FAT4: variants seen among roughly 807,000 people sequenced by gnomAD.
The protein encoded by FAT4 is protocadherin Fat 4.
A neutral mutation model predicts 303.9 loss-of-function variants in FAT4; 84 were observed. That is an observed-to-expected ratio of 0.28 (90% CI 0.23 to 0.33). The LOEUF is 0.33. FAT4 is among the 10% of genes least tolerant of loss of function. The pLI is 1.00. For synonymous variants in FAT4, 2,307 were observed against 2,298.8 expected (o/e 1.00, Z -0.10); for missense variants, 6,005 against 6,146.8 (o/e 0.98, Z 0.77).
chr4:125,441,053 C>T (rs1725645774), intron 8 of FAT4, among the ~76,000 whole-genome samples: 2 of 152,110 alleles, frequency 1.3e-5, no homozygotes, highest in Admixed American at 1.3e-4. Context: ...TAAGAATTAA[C>T]TCACTTCCAC....
intron 10 of FAT4, 145 bp from the exon 11 acceptor site, chr4:125,463,418 A>G (rs1316575007): frequency 5.8e-5 from 26 of 450,634 alleles, no homozygotes; most frequent in Non-Finnish European, 6.7e-5. Context: ...ATATTATTCT[A>G]ATTTCCTTAT....
chr4:125,435,502 T>C (rs919858179), intron 8 of FAT4, among the ~76,000 whole-genome samples: 1 of 152,220 alleles, frequency 6.6e-6, no homozygotes, highest in Admixed American at 6.6e-5. Flanking sequence ...TTTTGTTGTT[T>C]GTTACCAATT....
chr4:125,439,868 T>C (rs1287491126), intron 8 of FAT4, among the ~76,000 whole-genome samples: 11 of 152,138 alleles, frequency 7.2e-5, no homozygotes, highest in African/African-American at 2.7e-4. Flanking sequence ...CCTAGGAAAG[T>C]CATTTTAGTG....
At position 125,409,294 on chromosome 4, in the gene FAT4, T is replaced by C. The variant is rs191286122; in HGVS notation, c.5920+500T>C. ...TTTTTGAGACAGAGTTTCACTCTTG[T>C]TGCCCAGGCTGGAGTGCAATGATGC... On this transcript the variant is annotated intron_variant, in intron 5 of 17. Coordinates refer to ENST00000394329, the MANE Select transcript of FAT4 (RefSeq NM_001291303.3). Among the ~76,000 whole-genome samples the C allele has an allele frequency of 4.2e-3, 635 of 152,142 alleles. 3 individuals are homozygous for C. Among genetic ancestry groups the C allele is most frequent in the African/African-American group, 0.014 (591 of 41,516 alleles).
chr4:125,360,003 T>G (rs1732591859), intron 2 of FAT4, among the ~76,000 whole-genome samples: 1 of 152,140 alleles, frequency 6.6e-6, no homozygotes, highest in African/African-American at 2.4e-5. Context: ...GGATTTTCCC[T>G]CAGGATGAAA....
At chr4:125,380,236 A>G (rs919587343) in intron 2 of FAT4, among the ~76,000 whole-genome samples, 6 of 152,192 alleles carry the variant, frequency 3.9e-5, no homozygotes, top group African/African-American at 1.4e-4. Context: ...GTTACCTACT[A>G]AAAAGATATA....
intron 12 of FAT4, among the ~76,000 whole-genome samples, chr4:125,473,191 G>T (rs1578684915): frequency 6.6e-6 from 1 of 151,766 alleles, no homozygotes; most frequent in South Asian, 2.1e-4. Context: ...TGTGAATTAG[G>T]TGCTTAAACA....
intron 2 of FAT4, among the ~76,000 whole-genome samples, chr4:125,345,618 G>T (rs1560771050): frequency 1.3e-5 from 2 of 151,916 alleles, no homozygotes. Flanking sequence ...ACTCTGGCAT[G>T]TATTATTTAT....
Position 125,450,533 on chromosome 4 carries a change from G to C in FAT4, c.9523G>C (p.Ala3175Pro). 6.2e-7 allele frequency: 1 copy of C among 1,614,142 alleles called. No individual in the cohort carries two copies. The highest frequency in any genetic ancestry group is 8.5e-7 in the Non-Finnish European group (1 of 1,180,022). The stretch of plus-strand genomic sequence containing the variant: ...TAGTGCTATAGATGGAGGATGGGTT[G>C]CAAGAACTGGTTACTGCAGTGTGAC... ...TISAIDGGWVARTGYCSVTVN... is the reference protein window; with the variant it reads ...TISAIDGGWVPRTGYCSVTVN... The change falls in exon 10 of 18, where the codon GCA (alanine) becomes CCA (proline). Residue 3175 changes from alanine (A) to proline (P), a missense_variant. By Grantham distance (27) the Ala-to-Pro change is conservative. Coordinates refer to ENST00000394329, the MANE Select transcript of FAT4 (RefSeq NM_001291303.3).
rs1202356986 is a variant in FAT4, at chr4:125,492,332, A to G, written c.*564A>G. ...GTTTTACATGACAGTGGGTACTGAA[A>G]TTAAGTCATTTTGTTCAGCACTTTA... On this transcript the variant is annotated 3_prime_UTR_variant, in exon 18 of 18. Coordinates refer to ENST00000394329, the MANE Select transcript of FAT4 (RefSeq NM_001291303.3). 1 of 152,760 alleles carries G rather than the reference A, an allele frequency of 6.5e-6. No homozygotes were observed. Among genetic ancestry groups the G allele is most frequent in the African/African-American group, 2.4e-5 (1 of 41,450 alleles). 9.5% of individuals were successfully genotyped at this position (152,760 alleles called of 1,614,324 possible). A position where few individuals can be genotyped will look rare whatever the true frequency, so the allele number is the denominator to read the frequency against.
chr4:125,484,857 G>T lies in FAT4; in HGVS notation c.12823-2488G>T, dbSNP rs543207001. ...CTGCATTGAAGATTTTTGGGGGGAT[G>T]GGGGACAGCCTGGGCAACAGGGTCT... is the stretch of plus-strand genomic sequence containing the variant. On this transcript the variant is annotated intron_variant, in intron 16 of 17. Transcript: ENST00000394329. Among the ~76,000 whole-genome samples the T allele has an allele frequency of 2.0e-5, 3 of 151,936 alleles. No homozygotes were observed. The East Asian group carries it at 5.9e-4, about 30-fold the overall frequency.
At chr4:125,372,339 A>G (rs1315276565) in intron 2 of FAT4, among the ~76,000 whole-genome samples, 1 of 149,252 alleles carries the variant, frequency 6.7e-6, no homozygotes, top group Non-Finnish European at 1.5e-5. Context: ...TCCAGCCTGG[A>G]TGGCATAGAG....
chr4:125,443,567 C>T (rs1477862892), intron 8 of FAT4, among the ~76,000 whole-genome samples: 1 of 152,044 alleles, frequency 6.6e-6, no homozygotes, highest in Non-Finnish European at 1.5e-5. Flanking sequence ...ATTCATTATC[C>T]CTAAACAGTC....
At chr4:125,423,265 A>C (rs1912041) in intron 7 of FAT4, among the ~76,000 whole-genome samples, 150,777 of 152,212 alleles carry the variant, frequency 0.99, 74,693 homozygotes, top group East Asian at 1. Flanking sequence ...CCTTCTCGAC[A>C]GCCTCTCCCA....
rs564835075 is a variant in FAT4 at position 125,461,822 on chromosome 4, C to G, written c.11801-1741C>G. Among the ~76,000 whole-genome samples the G allele has an allele frequency of 2.0e-5, 3 of 151,912 alleles. No individual in the cohort carries two copies. The East Asian group carries it at 5.8e-4, about 29-fold the overall frequency. ...ATACTGTGCTGTAAGAAAAAAAAAT[C>G]TACATCACTAAAATGGCCTTCACAT... On this transcript the variant is annotated intron_variant, in intron 10 of 17. Coordinates refer to ENST00000394329, the MANE Select transcript of FAT4 (RefSeq NM_001291303.3).
chr4:125,469,831 T>C (rs1266436240), intron 12 of FAT4, among the ~76,000 whole-genome samples: 1 of 152,160 alleles, frequency 6.6e-6, no homozygotes, highest in Non-Finnish European at 1.5e-5. Flanking sequence ...TAATATTTGA[T>C]ATTTTGACCT....
At chr4:125,337,450 A>G (rs1012960744) in intron 2 of FAT4, among the ~76,000 whole-genome samples, 1 of 152,072 alleles carries the variant, frequency 6.6e-6, no homozygotes, top group Non-Finnish European at 1.5e-5. Flanking sequence ...GCACATTTCG[A>G]TCACTGATAT....
In FAT4 at chr4:125,449,300, A is replaced by T. The variant is rs147281598; in HGVS notation, c.8290A>T (p.Asn2764Tyr). Reference sequence around the variant, plus strand: ...GAGTACTTCAGTAAAAGTCATGATTAACATTTTAGATGAAAATGATAATGC... The same window carrying T: ...GAGTACTTCAGTAAAAGTCATGATTTACATTTTAGATGAAAATGATAATGC... The part of the protein sequence containing the change: ...SQSTSVKVMI[N>Y]ILDENDNAPR... Residue 2764 changes from asparagine (N) to tyrosine (Y), a missense_variant, in exon 10 of 18, where the codon AAC becomes TAC. Physicochemically the swap from Asn to Tyr is moderately radical, Grantham distance 143 (BLOSUM62 -2). Transcript: ENST00000394329. 6.2e-7 allele frequency: 1 copy of T among 1,613,896 alleles called. No individual in the cohort carries two copies.
intron 8 of FAT4, among the ~76,000 whole-genome samples, chr4:125,438,015 T>C (rs1286306448): frequency 6.6e-6 from 1 of 152,222 alleles, no homozygotes; most frequent in Non-Finnish European, 1.5e-5. Flanking sequence ...TACCTGTCTA[T>C]CATTTGTTAG....
Sources: allele counts gnomAD v4.1 joint callset (sites outside exome capture counted in the v4.1 genomes callset), GRCh38; gene constraint gnomAD v4.1.1; transcripts MANE v1.5; gene names NCBI Gene and HGNC (gene_info 2026-07-23, HGNC 2026-07-21).